The following FOXP2 variants were observed in gnomAD, a reference collection of about 807,000 sequenced individuals.
FOXP2 encodes forkhead box P2, also known as forkhead box protein P2.
FOXP2 carries 12 observed loss-of-function variants against 115.8 expected under a neutral mutation model. That is an observed-to-expected ratio of 0.10 (90% CI 0.07 to 0.17). The LOEUF (loss-of-function observed/expected upper bound fraction) is 0.17, where lower values mean the gene tolerates loss of function less well. FOXP2 is among the 10% of genes least tolerant of loss of function. The probability of loss-of-function intolerance (pLI) is 1.00; values close to 1 mark genes in which losing one functional copy is unlikely to be tolerated. For synonymous variants in FOXP2, 328 were observed against 297.7 expected (o/e 1.10, Z -1.05); for missense variants, 629 against 843.5 (o/e 0.75, Z 3.15).
intron 2 of FOXP2, among the ~76,000 whole-genome samples, chr7:114,449,393 A>T (rs1794971334): frequency 1.3e-5 from 2 of 152,134 alleles, no homozygotes; most frequent in South Asian, 4.1e-4. Flanking sequence ...TTTACTTCAC[A>T]ATTATATTTA....
rs150813572 is a variant in FOXP2, at chr7:114,369,446, G to A, written c.-10-57056G>A. 1.5e-3 allele frequency among the ~76,000 whole-genome samples: 235 copies of A among 152,072 alleles called. 1 individual carries two copies. The highest frequency in any genetic ancestry group is 5.2e-3 in the African/African-American group (215 of 41,496). ...TCTACTTGGAGTATACCTCCTGATC[G>A]TAAATGCTGAATCCATGTTTACCAT... is the stretch of plus-strand genomic sequence containing the variant. On this transcript the variant is annotated intron_variant, in intron 2 of 17. Transcript: ENST00000634411.
intron 1 of FOXP2, among the ~76,000 whole-genome samples, chr7:114,231,515 C>T (rs571621564): frequency 2.0e-5 from 3 of 152,110 alleles, no homozygotes; most frequent in South Asian, 2.1e-4. Flanking sequence ...ATGGTACTGG[C>T]GTGAAGACAT....
chr7:114,253,393 G>A (rs183488054), intron 1 of FOXP2, among the ~76,000 whole-genome samples: 323 of 152,206 alleles, frequency 2.1e-3, no homozygotes, highest in African/African-American at 7.1e-3. Context: ...ACAGTGGGGC[G>A]TTAAAGTCTC....
intron 1 of FOXP2, among the ~76,000 whole-genome samples, chr7:114,233,264 TC>T (rs1794930228): frequency 6.6e-6 from 1 of 152,210 alleles, no homozygotes; most frequent in South Asian, 2.1e-4. Context: ...TGTTTAGGAT[TC>T]CTATAGTGAA....
chr7:114,482,650 A>G (rs1000389270), intron 2 of FOXP2, among the ~76,000 whole-genome samples: 1 of 151,536 alleles, frequency 6.6e-6, no homozygotes, highest in Non-Finnish European at 1.5e-5. Flanking sequence ...ACCTTGCTCT[A>G]TGCAATGAAC....
At chr7:114,381,721 C>T (rs1220774967) in intron 2 of FOXP2, among the ~76,000 whole-genome samples, 1 of 152,176 alleles carries the variant, frequency 6.6e-6, no homozygotes, top group Admixed American at 6.5e-5. Flanking sequence ...CTAACCTCCA[C>T]TGCCCGTTGG....
At chr7:114,546,882 G>A (rs889579868) in intron 3 of FOXP2, among the ~76,000 whole-genome samples, 1 of 152,150 alleles carries the variant, frequency 6.6e-6, no homozygotes, top group East Asian at 1.9e-4. Context: ...TTACCACAAT[G>A]CTTGACACAT....
chr7:114,487,113 C>T (rs1314351257), intron 2 of FOXP2, among the ~76,000 whole-genome samples: 1 of 152,226 alleles, frequency 6.6e-6, no homozygotes, highest in Non-Finnish European at 1.5e-5. Context: ...AGGACCTCAA[C>T]CCTAAAGCAA....
At chr7:114,633,941 C>G (rs116118404) in intron 6 of FOXP2, among the ~76,000 whole-genome samples, 1 of 151,928 alleles carries the variant, frequency 6.6e-6, no homozygotes, top group Non-Finnish European at 1.5e-5. Flanking sequence ...CATATAAAAA[C>G]CAAGTAGGAT....
intron 2 of FOXP2, among the ~76,000 whole-genome samples, chr7:114,323,733 GA>G (rs1797485177): frequency 6.6e-6 from 1 of 151,884 alleles, no homozygotes; most frequent in Non-Finnish European, 1.5e-5. Flanking sequence ...AATACCATCA[GA>G]GTACTTATAA....
chr7:114,408,279 T>A (rs1177111497), intron 2 of FOXP2, among the ~76,000 whole-genome samples: 1 of 152,156 alleles, frequency 6.6e-6, no homozygotes, highest in Non-Finnish European at 1.5e-5. Flanking sequence ...ATTTTTTAGA[T>A]CTTGATTATT....
intron 1 of FOXP2, among the ~76,000 whole-genome samples, chr7:114,125,451 T>C (rs1357425952): frequency 1.3e-5 from 2 of 152,150 alleles, no homozygotes; most frequent in Non-Finnish European, 2.9e-5. Flanking sequence ...TTTGGACTTG[T>C]ATTAAGCCTC....
intron 1 of FOXP2, among the ~76,000 whole-genome samples, chr7:114,088,534 C>A (rs1482777625): frequency 6.6e-6 from 1 of 152,242 alleles, no homozygotes; most frequent in African/African-American, 2.4e-5. Flanking sequence ...AAAAGTTTGC[C>A]TGTAAGGCAT....
intron 3 of FOXP2, among the ~76,000 whole-genome samples, chr7:114,584,489 A>T (rs1802029021): frequency 6.6e-6 from 1 of 152,140 alleles, no homozygotes; most frequent in South Asian, 2.1e-4. Context: ...ATTAGTTTAC[A>T]TTTCCTTATC....
intron 1 of FOXP2, among the ~76,000 whole-genome samples, chr7:114,121,715 G>A (rs118078768): frequency 1.3e-5 from 2 of 152,178 alleles, no homozygotes; most frequent in East Asian, 3.9e-4. Context: ...AAGAAAAATG[G>A]GATTAAGGAC....
At chr7:114,480,463 T>C (rs1303431722) in intron 2 of FOXP2, among the ~76,000 whole-genome samples, 29 of 151,422 alleles carry the variant, frequency 1.9e-4, no homozygotes, top group Admixed American at 1.9e-3. Flanking sequence ...AAAGATGCCT[T>C]ATTACTTATG....
In FOXP2 at chr7:114,346,395, C is replaced by A. The variant is rs371185365; in HGVS notation, c.-11+58286C>A. On this transcript the variant is annotated intron_variant, in intron 2 of 17. Transcript: ENST00000634411. ...ATAAAATAAATGTGGTATATAGACA[C>A]ATTTTTATACATTTAGAATAATCCT... Among the ~76,000 whole-genome samples, 13 of 151,790 alleles carry A rather than the reference C, an allele frequency of 8.6e-5. No individual in the cohort carries two copies. In the East Asian group the frequency reaches 2.5e-3, roughly 29 times the overall value.
intron 1 of FOXP2, among the ~76,000 whole-genome samples, chr7:114,185,490 CT>C (rs1248612265): frequency 6.6e-6 from 1 of 152,192 alleles, no homozygotes; most frequent in African/African-American, 2.4e-5. Flanking sequence ...ATATAAAGCA[CT>C]TAGCCTAGTG....
chr7:114,174,046 A>G (rs990569164), intron 1 of FOXP2, among the ~76,000 whole-genome samples: 1 of 152,034 alleles, frequency 6.6e-6, no homozygotes, highest in Non-Finnish European at 1.5e-5. Flanking sequence ...AAATGATCAA[A>G]TATTTAAAAT....
Sources: gnomAD v4.1 joint callset for allele counts (sites outside exome capture counted in the v4.1 genomes callset) on GRCh38, gnomAD v4.1.1 for gene constraint, MANE v1.5 for transcripts, NCBI Gene and HGNC (gene_info 2026-07-23, HGNC 2026-07-21) for gene names.